Variants in MTHFD1L observed in about 807,000 individuals in gnomAD.
MTHFD1L encodes the protein methylenetetrahydrofolate dehydrogenase (NADP+ dependent) 1 like.
MTHFD1L carries 81 observed loss-of-function variants against 119.5 expected under a neutral mutation model. That is an observed-to-expected ratio of 0.68 (90% CI 0.57 to 0.82). The LOEUF (loss-of-function observed/expected upper bound fraction) is 0.82, where lower values mean the gene tolerates loss of function less well. MTHFD1L is among the 40% of genes least tolerant of loss of function. MTHFD1L has a pLI of 0.00. For synonymous variants in MTHFD1L, 430 were observed against 475.2 expected (o/e 0.90, Z 1.24); for missense variants, 1,125 against 1,253.4 (o/e 0.90, Z 1.55).
intron 22 of MTHFD1L, among the ~76,000 whole-genome samples, 167 bp downstream of exon 22, chr6:151,013,987 C>T (rs11966848): frequency 0.032 from 4,843 of 152,228 alleles, 284 homozygotes; most frequent in African/African-American, 0.11. Flanking sequence ...CCAAGGCGAC[C>T]GGATCACATG....
At chr6:150,866,764 G>C (rs1778417931) in intron 1 of MTHFD1L, 1 of 941,536 alleles carries the variant, frequency 1.1e-6, no homozygotes, top group African/African-American at 1.8e-5. Flanking sequence ...TGCGGGCCCA[G>C]AGCGAACTGG....
chr6:151,012,342 T>C (rs1562536211), intron 21 of MTHFD1L, among the ~76,000 whole-genome samples: 3 of 152,198 alleles, frequency 2.0e-5, no homozygotes. Context: ...AATAGCTCTG[T>C]ATTTTTGAAC....
At chr6:150,995,925 T>C (rs1329725929) in intron 20 of MTHFD1L, among the ~76,000 whole-genome samples, 1 of 151,160 alleles carries the variant, frequency 6.6e-6, no homozygotes, top group Non-Finnish European at 1.5e-5. Flanking sequence ...CCTCCCAAAG[T>C]GCTGGGATTA....
intron 10 of MTHFD1L, among the ~76,000 whole-genome samples, chr6:150,925,049 A>G (rs865795489): frequency 3.4e-4 from 52 of 151,998 alleles, no homozygotes; most frequent in African/African-American, 1.2e-3. Flanking sequence ...AGGATCCTGG[A>G]GGAGAGTCTA....
chr6:151,099,288 A>G (rs1435980688), intron 27 of MTHFD1L, among the ~76,000 whole-genome samples: 1 of 151,860 alleles, frequency 6.6e-6, no homozygotes. Flanking sequence ...CCTCTGGAGC[A>G]TGGAAGGCCT....
At chr6:150,936,122 A>G (rs1187982461) in intron 11 of MTHFD1L, among the ~76,000 whole-genome samples, 1 of 152,228 alleles carries the variant, frequency 6.6e-6, no homozygotes, top group Non-Finnish European at 1.5e-5. Flanking sequence ...TCATATGGAA[A>G]GGGATCAGGC....
At chr6:151,003,027 C>T (rs1038279018) in intron 20 of MTHFD1L, among the ~76,000 whole-genome samples, 12 of 152,140 alleles carry the variant, frequency 7.9e-5, no homozygotes, top group South Asian at 4.1e-4. Context: ...TAGGCAGAAC[C>T]GCCTCCAGTC....
intron 1 of MTHFD1L, chr6:150,866,784 G>A: frequency 1.2e-6 from 1 of 852,460 alleles, no homozygotes; most frequent in Non-Finnish European, 1.4e-6. Flanking sequence ...GGAGCCCCGG[G>A]CCCGGCCTTT....
At chr6:150,986,590 A>G (rs989040504) in intron 20 of MTHFD1L, among the ~76,000 whole-genome samples, 1 of 152,180 alleles carries the variant, frequency 6.6e-6, no homozygotes, top group African/African-American at 2.4e-5. Context: ...ATCTAATGCC[A>G]CTGCTGATCT....
At chr6:150,997,594 G>A (rs1426247102) in intron 20 of MTHFD1L, among the ~76,000 whole-genome samples, 1 of 152,054 alleles carries the variant, frequency 6.6e-6, no homozygotes, top group African/African-American at 2.4e-5. Context: ...TTCGAGACCA[G>A]CCTGGGCAAC....
chr6:150,954,517 A>G (rs1301740056), intron 16 of MTHFD1L, among the ~76,000 whole-genome samples: 1 of 152,098 alleles, frequency 6.6e-6, no homozygotes, highest in Non-Finnish European at 1.5e-5. Flanking sequence ...GCAAAACCCC[A>G]TCTCTTCTAA....
At chr6:150,985,246 A>G (rs965061549) in intron 20 of MTHFD1L, 1 of 152,204 alleles carries the variant, frequency 6.6e-6, no homozygotes, top group Non-Finnish European at 1.5e-5. Flanking sequence ...CTTTTGGTAA[A>G]TGAAACTCAC....
chr6:150,967,245 C>G lies in MTHFD1L; in HGVS notation c.2013+2208C>G, dbSNP rs141089321. Among the ~76,000 whole-genome samples the G allele has an allele frequency of 5.0e-3, 757 of 152,322 alleles. 2 individuals are homozygous for G. Among genetic ancestry groups the G allele is most frequent in the Middle Eastern group, 0.01 (3 of 294 alleles). On this transcript the variant is annotated intron_variant, in intron 19 of 27. Transcript: ENST00000367321. Reference sequence around the variant, plus strand: ...CACTTTTCCCTTGGAGACACCAAGTCTTTGTTGCTGTGCCCTCCTCAGAGA... The same window carrying G: ...CACTTTTCCCTTGGAGACACCAAGTGTTTGTTGCTGTGCCCTCCTCAGAGA...
chr6:150,964,592 C>G (rs972314442), intron 18 of MTHFD1L, among the ~76,000 whole-genome samples: 4 of 152,118 alleles, frequency 2.6e-5, no homozygotes, highest in Non-Finnish European at 5.9e-5. Context: ...TGTTCTTCAC[C>G]TTATTTCTTT....
chr6:151,004,393 G>A (rs566294450), intron 20 of MTHFD1L, among the ~76,000 whole-genome samples: 2 of 152,284 alleles, frequency 1.3e-5, no homozygotes, highest in East Asian at 1.9e-4. Flanking sequence ...GTAAGGTGGG[G>A]ACATACAGAA....
intron 13 of MTHFD1L, among the ~76,000 whole-genome samples, chr6:150,940,461 T>C (rs1250193884): frequency 4.6e-5 from 7 of 152,072 alleles, no homozygotes; most frequent in Non-Finnish European, 1.0e-4. Flanking sequence ...TTAGAGGTGG[T>C]GTACAAGGGG....
Position 150,921,885 on chromosome 6 carries a change from G to T in MTHFD1L, c.985-320G>T, listed in dbSNP as rs559135641. On this transcript the variant is annotated intron_variant, in intron 9 of 27. Transcript: ENST00000367321. ...TATGAAGAGCTAATAGTCTGCAAGG[G>T]AACTATAGAATTAAGCTGGATCATC... is the stretch of plus-strand genomic sequence containing the variant. 3.6e-4 allele frequency among the ~76,000 whole-genome samples: 55 copies of T among 152,272 alleles called. 1 individual carries two copies. The highest frequency in any genetic ancestry group is 1.3e-3 in the African/African-American group (52 of 41,540).
intron 26 of MTHFD1L, among the ~76,000 whole-genome samples, chr6:151,073,728 G>A (rs1031674879): frequency 2.6e-5 from 4 of 151,856 alleles, no homozygotes; most frequent in Admixed American, 6.6e-5. Context: ...ATTAGACATT[G>A]CAAAAGAAAA....
chr6:150,966,522 T>G (rs1019063746), intron 19 of MTHFD1L, among the ~76,000 whole-genome samples: 2 of 152,030 alleles, frequency 1.3e-5, no homozygotes, highest in African/African-American at 4.8e-5. Flanking sequence ...AGAACCAATA[T>G]GACAGAAATG....
Sources: allele counts gnomAD v4.1 joint callset (sites outside exome capture counted in the v4.1 genomes callset), GRCh38; gene constraint gnomAD v4.1.1; transcripts MANE v1.5; gene names NCBI Gene and HGNC (gene_info 2026-07-23, HGNC 2026-07-21).